RSRC1: variants seen among roughly 807,000 people sequenced by gnomAD.
RSRC1 encodes arginine and serine rich coiled-coil 1.
A neutral mutation model predicts 49.1 loss-of-function variants in RSRC1; 39 were observed. The ratio of observed to expected loss-of-function variants is 0.79; its 90% CI spans 0.61 to 1.04. The LOEUF is 1.04. Ranked by LOEUF, RSRC1 falls within the 50% of genes least tolerant of loss-of-function variation. The pLI, the probability that RSRC1 is intolerant of heterozygous loss-of-function variation, is 0.00. For synonymous variants in RSRC1, 143 were observed against 130.8 expected (o/e 1.09, Z -0.63); for missense variants, 388 against 402.4 (o/e 0.96, Z 0.31).
At chr3:158,509,895 A>C (rs945884135) in intron 7 of RSRC1, among the ~76,000 whole-genome samples, 28 of 152,158 alleles carry the variant, frequency 1.8e-4, no homozygotes, top group African/African-American at 6.8e-4. Context: ...ACATTCTTAT[A>C]CCTCTCTCCT....
chr3:158,123,795 T>C (rs569817098), intron 2 of RSRC1, 71 bp from the exon 3 acceptor site: 6 of 1,389,046 alleles, frequency 4.3e-6, no homozygotes, highest in African/African-American at 1.5e-5. Context: ...CTTTAGAATC[T>C]AGAAGGTTTT....
intron 3 of RSRC1, among the ~76,000 whole-genome samples, chr3:158,202,106 C>T (rs545876404): frequency 3.9e-5 from 6 of 152,208 alleles, no homozygotes; most frequent in Middle Eastern, 3.4e-3. Context: ...CCTCCACCTC[C>T]GAGGTTCAAG....
At chr3:158,278,914 G>A (rs951079179) in intron 4 of RSRC1, among the ~76,000 whole-genome samples, 37 of 152,100 alleles carry the variant, frequency 2.4e-4, no homozygotes, top group African/African-American at 8.5e-4. Flanking sequence ...TATAAAGAGT[G>A]TTCAGTCAAG....
chr3:158,260,683 A>G (rs1724842699), intron 4 of RSRC1, among the ~76,000 whole-genome samples: 1 of 152,190 alleles, frequency 6.6e-6, no homozygotes, highest in Non-Finnish European at 1.5e-5. Flanking sequence ...AAGTTTATTT[A>G]GGACCCCAGG....
At chr3:158,274,650 C>G (rs1725706114) in intron 4 of RSRC1, among the ~76,000 whole-genome samples, 1 of 152,148 alleles carries the variant, frequency 6.6e-6, no homozygotes, top group African/African-American at 2.4e-5. Flanking sequence ...TCTACATTTC[C>G]TTTACACTCA....
At chr3:158,530,628 T>G (rs1270200330) in intron 7 of RSRC1, among the ~76,000 whole-genome samples, 2 of 151,430 alleles carry the variant, frequency 1.3e-5, no homozygotes, top group East Asian at 3.9e-4. Flanking sequence ...AGGGAAGATG[T>G]GGGGGGGAAA....
chr3:158,199,924 T>C (rs998925423), intron 3 of RSRC1, among the ~76,000 whole-genome samples: 1 of 152,208 alleles, frequency 6.6e-6, no homozygotes, highest in Non-Finnish European at 1.5e-5. Flanking sequence ...CATCATGAAG[T>C]ATCCATTTTT....
intron 7 of RSRC1, among the ~76,000 whole-genome samples, chr3:158,482,831 T>G (rs1489378128): frequency 2.0e-5 from 3 of 152,034 alleles, no homozygotes; most frequent in Non-Finnish European, 4.4e-5. Context: ...CTACATTATT[T>G]TTATTGTAAT....
intron 3 of RSRC1, among the ~76,000 whole-genome samples, chr3:158,144,739 A>G (rs1578130620): frequency 6.6e-6 from 1 of 152,304 alleles, no homozygotes; most frequent in Non-Finnish European, 1.5e-5. Flanking sequence ...GAACTAGTTT[A>G]CAGTCCCCCC....
At chr3:158,296,584 A>T (rs1727256337) in intron 4 of RSRC1, among the ~76,000 whole-genome samples, 1 of 152,108 alleles carries the variant, frequency 6.6e-6, no homozygotes. Context: ...GATTCATTTG[A>T]CTTCCAGCTC....
chr3:158,345,642 C>G (rs1730509757), intron 5 of RSRC1, among the ~76,000 whole-genome samples: 1 of 151,830 alleles, frequency 6.6e-6, no homozygotes, highest in South Asian at 2.1e-4. Flanking sequence ...AGAGGTGTTA[C>G]TCTATCTGAT....
rs564854014 is a variant in RSRC1, at chr3:158,324,390, A to T, written c.531+26315A>T. On this transcript the variant is annotated intron_variant, in intron 5 of 9. Coordinates refer to ENST00000611884, the MANE Select transcript of RSRC1 (RefSeq NM_001271838.2). ...AATGCTTTCCCTCTGCCCTCCCCTC[A>T]CCCCACGACAGGCCCCGGTGTGTGA... 1.9e-3 allele frequency among the ~76,000 whole-genome samples: 282 copies of T among 151,662 alleles called. 1 individual carries two copies. The highest frequency in any genetic ancestry group is 2.8e-3 in the Non-Finnish European group (187 of 67,926).
At chr3:158,138,741 C>CA (rs1716558553) in intron 3 of RSRC1, among the ~76,000 whole-genome samples, 1 of 152,092 alleles carries the variant, frequency 6.6e-6, no homozygotes, top group Non-Finnish European at 1.5e-5. Context: ...ATGATGTATT[C>CA]AGGAGGAAAA....
chr3:158,524,038 C>G (rs1469910853), intron 7 of RSRC1, among the ~76,000 whole-genome samples: 1 of 152,066 alleles, frequency 6.6e-6, no homozygotes, highest in Non-Finnish European at 1.5e-5. Flanking sequence ...TCTTCAGCAT[C>G]ATACTGGCAA....
intron 3 of RSRC1, among the ~76,000 whole-genome samples, chr3:158,174,737 A>T (rs192101935): frequency 6.6e-6 from 1 of 152,084 alleles, no homozygotes; most frequent in Non-Finnish European, 1.5e-5. Context: ...TAATATAAAC[A>T]TGCCACAATT....
At chr3:158,157,807 C>T (rs1203608612) in intron 3 of RSRC1, among the ~76,000 whole-genome samples, 5 of 151,932 alleles carry the variant, frequency 3.3e-5, no homozygotes, top group Admixed American at 6.6e-5. Flanking sequence ...CCCAGCTACT[C>T]GGGAGGCTGA....
At chr3:158,259,928 T>C (rs192686310) in intron 4 of RSRC1, among the ~76,000 whole-genome samples, 19 of 152,146 alleles carry the variant, frequency 1.2e-4, no homozygotes, top group African/African-American at 4.6e-4. Context: ...GTTCTTTCAA[T>C]AGCTTGTGGT....
chr3:158,506,090 T>C (rs959479225), intron 7 of RSRC1, among the ~76,000 whole-genome samples: 2 of 151,908 alleles, frequency 1.3e-5, no homozygotes, highest in Admixed American at 6.6e-5. Context: ...GAAGCAAAAA[T>C]AGACAAATGG....
chr3:158,450,766 CTA>C (rs1578494846), intron 6 of RSRC1, among the ~76,000 whole-genome samples: 2 of 151,888 alleles, frequency 1.3e-5, no homozygotes, highest in African/African-American at 4.8e-5. Flanking sequence ...TCAGTAAAAA[CTA>C]TATGAGAAAA....
Sources: gnomAD v4.1 joint callset for allele counts (sites outside exome capture counted in the v4.1 genomes callset) on GRCh38, gnomAD v4.1.1 for gene constraint, MANE v1.5 for transcripts, NCBI Gene and HGNC (gene_info 2026-07-23, HGNC 2026-07-21) for gene names.